ZNF385B: variants seen among roughly 807,000 people sequenced by gnomAD.
ZNF385B encodes zinc finger protein 533.
In ZNF385B, 23 loss-of-function variants were observed where a neutral mutation model predicts 39.2. That is an observed-to-expected ratio of 0.59 (90% confidence interval 0.42 to 0.83). The LOEUF is 0.83. ZNF385B is among the 40% of genes least tolerant of loss of function. The pLI is 0.00. For missense variants in ZNF385B, 552 were observed against 598.9 expected (o/e 0.92, Z 0.82); for synonymous variants, 205 against 222.6 (o/e 0.92, Z 0.70).
chr2:179,539,554 C>G (rs2059789506), intron 4 of ZNF385B, among the ~76,000 whole-genome samples: 1 of 152,082 alleles, frequency 6.6e-6, no homozygotes, highest in Non-Finnish European at 1.5e-5. Flanking sequence ...TTAAGGGGAA[C>G]TAAACACCAA....
At chr2:179,454,239 T>A (rs998321411) in intron 6 of ZNF385B, among the ~76,000 whole-genome samples, 3 of 152,196 alleles carry the variant, frequency 2.0e-5, no homozygotes, top group Non-Finnish European at 2.9e-5. Flanking sequence ...ACAATGGTGG[T>A]CCCATAAGAT....
intron 6 of ZNF385B, among the ~76,000 whole-genome samples, chr2:179,481,793 A>C (rs969592416): frequency 2.0e-5 from 3 of 152,222 alleles, no homozygotes; most frequent in Non-Finnish European, 4.4e-5. Context: ...AAACCAGGCA[A>C]GAAGTCAGCA....
intron 3 of ZNF385B, among the ~76,000 whole-genome samples, chr2:179,754,410 C>A (rs1702881621): frequency 6.6e-6 from 1 of 152,110 alleles, no homozygotes; most frequent in Admixed American, 6.5e-5. Flanking sequence ...TGCTGTGCCT[C>A]TACCAGGCTT....
At chr2:179,768,020 G>C (rs1163857384) in intron 3 of ZNF385B, among the ~76,000 whole-genome samples, 1 of 151,050 alleles carries the variant, frequency 6.6e-6, no homozygotes, top group Non-Finnish European at 1.5e-5. Flanking sequence ...CGTGATCTCA[G>C]CTCAATGCAA....
At chr2:179,692,129 C>A (rs1372438274) in intron 3 of ZNF385B, among the ~76,000 whole-genome samples, 1 of 152,040 alleles carries the variant, frequency 6.6e-6, no homozygotes, top group Non-Finnish European at 1.5e-5. Context: ...TATTTGTGTA[C>A]CCACTCACCA....
intron 3 of ZNF385B, among the ~76,000 whole-genome samples, chr2:179,649,820 G>C (rs1275444488): frequency 6.6e-6 from 1 of 151,924 alleles, no homozygotes; most frequent in Non-Finnish European, 1.5e-5. Context: ...TTTCTTTCTA[G>C]ATTCTTAAGT....
chr2:179,494,565 T>C (rs185105153), intron 5 of ZNF385B, among the ~76,000 whole-genome samples: 7 of 152,348 alleles, frequency 4.6e-5, no homozygotes, highest in African/African-American at 1.7e-4. Context: ...TGGAATTTTA[T>C]GTTCAGCTAG....
In ZNF385B at chr2:179,557,069, A is replaced by G. The variant is rs938621196; in HGVS notation, c.299-12100T>C. ...ATTTAATAAAATTTTAGAGGTAAGC[A>G]TAATTAGGAATCTACCCTTCATTTT... On this transcript the variant is annotated intron_variant, in intron 3 of 9. Coordinates refer to ENST00000410066, the MANE Select transcript of ZNF385B (RefSeq NM_152520.6). 8.0e-5 allele frequency among the ~76,000 whole-genome samples: 12 copies of G among 149,380 alleles called. 2 individuals carry two copies. Among genetic ancestry groups the G allele is most frequent in the Admixed American group, 1.3e-4 (2 of 15,068 alleles).
chr2:179,772,362 C>A (rs1364668778), intron 1 of ZNF385B, among the ~76,000 whole-genome samples: 1 of 152,176 alleles, frequency 6.6e-6, no homozygotes, highest in African/African-American at 2.4e-5. Context: ...ACACCGCATT[C>A]ATGGGCCACT....
chr2:179,617,347 C>T (rs1877943), intron 3 of ZNF385B, among the ~76,000 whole-genome samples: 76,698 of 152,032 alleles, frequency 0.5, 19,725 homozygotes, highest in Middle Eastern at 0.61. Flanking sequence ...ACAGCTACGC[C>T]TTTCTTTTTC....
chr2:179,523,958 T>A (rs1046556723), intron 4 of ZNF385B, among the ~76,000 whole-genome samples: 2 of 152,096 alleles, frequency 1.3e-5, no homozygotes, highest in East Asian at 3.9e-4. Context: ...AAGTTTTTTT[T>A]TAAATTTTTA....
intron 5 of ZNF385B, among the ~76,000 whole-genome samples, chr2:179,493,567 G>A (rs968311828): frequency 5.7e-5 from 7 of 123,416 alleles, no homozygotes; most frequent in East Asian, 3.1e-4. Flanking sequence ...ACATATATGC[G>A]TATACATATG....
At chr2:179,535,924 C>T (rs2059536883) in intron 4 of ZNF385B, among the ~76,000 whole-genome samples, 1 of 152,102 alleles carries the variant, frequency 6.6e-6, no homozygotes, top group Non-Finnish European at 1.5e-5. Flanking sequence ...ATTCTAAACA[C>T]AAAAATCTAG....
chr2:179,823,023 G>A (rs1707491721), intron 1 of ZNF385B, among the ~76,000 whole-genome samples: 1 of 152,104 alleles, frequency 6.6e-6, no homozygotes, highest in South Asian at 2.1e-4. Flanking sequence ...CTTCTTTTCG[G>A]AGGGGAGAAA....
chr2:179,470,055 G>T (rs1473470256), intron 6 of ZNF385B, among the ~76,000 whole-genome samples: 2 of 152,178 alleles, frequency 1.3e-5, no homozygotes, highest in Non-Finnish European at 2.9e-5. Context: ...GGATCTGTGG[G>T]TCTTTCCCTG....
intron 1 of ZNF385B, among the ~76,000 whole-genome samples, chr2:179,822,481 C>T (rs1400725935): frequency 6.6e-6 from 1 of 152,156 alleles, no homozygotes; most frequent in Non-Finnish European, 1.5e-5. Context: ...TCAGCAGCAA[C>T]AGCAGCAACA....
intron 3 of ZNF385B, among the ~76,000 whole-genome samples, chr2:179,650,497 C>A (rs2106245374): frequency 6.6e-6 from 1 of 152,224 alleles, no homozygotes; most frequent in Non-Finnish European, 1.5e-5. Flanking sequence ...CAAATAAAAG[C>A]CCAAGTAAAA....
intron 3 of ZNF385B, among the ~76,000 whole-genome samples, chr2:179,591,339 A>G (rs1294883836): frequency 6.6e-6 from 1 of 152,092 alleles, no homozygotes; most frequent in East Asian, 1.9e-4. Context: ...TATTTATATT[A>G]GAACATGTCT....
chr2:179,647,225 A>G (rs1489765725), intron 3 of ZNF385B, among the ~76,000 whole-genome samples: 1 of 152,202 alleles, frequency 6.6e-6, no homozygotes, highest in Non-Finnish European at 1.5e-5. Flanking sequence ...TTGTCACTAT[A>G]CTATCTGGGA....
Sources: gnomAD v4.1 joint callset for allele counts (sites outside exome capture counted in the v4.1 genomes callset) on GRCh38, gnomAD v4.1.1 for gene constraint, MANE v1.5 for transcripts, NCBI Gene and HGNC (gene_info 2026-07-23, HGNC 2026-07-21) for gene names.